LGR6: variants seen among roughly 807,000 people sequenced by gnomAD.
LGR6 encodes the protein leucine-rich repeat-containing G protein-coupled receptor 6.
LGR6 carries 45 observed loss-of-function variants against 69.4 expected under a neutral mutation model. The observed-to-expected ratio is 0.65, with a 90% CI of 0.51 to 0.83. The LOEUF (loss-of-function observed/expected upper bound fraction) is 0.83. Among genes scored for constraint, LGR6 ranks in the 40% least tolerant of loss-of-function variants. The pLI, the probability that LGR6 is intolerant of heterozygous loss-of-function variation, is 0.00. For missense variants in LGR6, 1,108 were observed against 1,246.7 expected, an observed-to-expected ratio of 0.89 and a Z score of 1.68; for synonymous variants, 538 against 555.0, an observed-to-expected ratio of 0.97 and a Z score of 0.43.
In LGR6 at chr1:202,262,097, C is replaced by T. The variant is rs1441936021; in HGVS notation, c.429-14209C>T. Among the ~76,000 whole-genome samples, 10 of 152,034 alleles carry T rather than the reference C, an allele frequency of 6.6e-5. No homozygotes were observed. The East Asian group carries it at 9.6e-4, about 15-fold the overall frequency. Reference sequence around the variant, plus strand: ...GAAGCTCTTTAGTTTAATTAGATCCCGTTTGTCAATTTTGGCTTTTGTTGC... The same window carrying T: ...GAAGCTCTTTAGTTTAATTAGATCCTGTTTGTCAATTTTGGCTTTTGTTGC... On this transcript the variant is annotated intron_variant, in intron 4 of 17. Coordinates refer to ENST00000367278, the MANE Select transcript of LGR6 (RefSeq NM_001017403.2).
intron 1 of LGR6, among the ~76,000 whole-genome samples, chr1:202,205,695 CAT>C (rs1411511456): frequency 2.8e-5 from 4 of 141,176 alleles, no homozygotes; most frequent in African/African-American, 5.1e-5. Context: ...CTCCTTCAAA[CAT>C]ACACACACAC....
chr1:202,231,421 A>G (rs950893654), intron 3 of LGR6, among the ~76,000 whole-genome samples: 2 of 152,132 alleles, frequency 1.3e-5, no homozygotes, highest in Non-Finnish European at 1.5e-5. Flanking sequence ...ACCCCTGTAC[A>G]TGAGGCAAGG....
chr1:202,313,570 C>T (rs1653911517), intron 16 of LGR6, among the ~76,000 whole-genome samples: 1 of 152,164 alleles, frequency 6.6e-6, no homozygotes. Flanking sequence ...TTATCTGTCA[C>T]CTGCCTCACA....
intron 6 of LGR6, among the ~76,000 whole-genome samples, chr1:202,291,862 C>T (rs1475898527): frequency 1.3e-5 from 2 of 152,130 alleles, no homozygotes; most frequent in Non-Finnish European, 2.9e-5. Context: ...TACTATTATC[C>T]TCTATTATTA....
intron 4 of LGR6, among the ~76,000 whole-genome samples, chr1:202,267,454 G>C (rs562329505): frequency 2.6e-5 from 4 of 152,114 alleles, no homozygotes; most frequent in Non-Finnish European, 4.4e-5. Context: ...AACTGAGAAG[G>C]TTTCTTTTCA....
chr1:202,310,244 G>T lies in LGR6; in HGVS notation c.1454G>T (p.Cys485Phe). 6.2e-7 allele frequency: 1 copy of T among 1,614,150 alleles called. No homozygotes were observed. Among genetic ancestry groups the T allele is most frequent in the South Asian group, 1.1e-5 (1 of 91,072 alleles). Residue 485 changes from cysteine to phenylalanine, a missense_variant, in exon 16 of 18, where the codon TGT becomes TTT. Physicochemically the swap from Cys to Phe is radical, Grantham distance 205. Transcript: ENST00000367278. Reference protein sequence around the residue: ...YAYQCCPYGMCASFFKASGQW... With the variant: ...YAYQCCPYGMFASFFKASGQW... ...TACCAGTGCTGTCCCTATGGGATGTGTGCCAGCTTCTTCAAGGCCTCTGGG... is the reference window on the plus strand; with the variant it reads ...TACCAGTGCTGTCCCTATGGGATGTTTGCCAGCTTCTTCAAGGCCTCTGGG...
At chr1:202,256,869 G>A (rs1663815799) in intron 4 of LGR6, among the ~76,000 whole-genome samples, 1 of 152,076 alleles carries the variant, frequency 6.6e-6, no homozygotes, top group Admixed American at 6.5e-5. Context: ...CCACATCCTT[G>A]CCAACACTTG....
At chr1:202,243,697 C>G (rs1662397654) in intron 4 of LGR6, among the ~76,000 whole-genome samples, 2 of 152,108 alleles carry the variant, frequency 1.3e-5, no homozygotes, top group African/African-American at 4.8e-5. Context: ...CATGACTGAC[C>G]TTACCACTCA....
intron 1 of LGR6, chr1:202,203,726 A>C (rs763447385): frequency 5.1e-6 from 7 of 1,359,512 alleles, no homozygotes; most frequent in Non-Finnish European, 7.3e-6. Context: ...CAGGCGGGGC[A>C]CAGAGGAGGG....
At chr1:202,208,914 A>AAAGAGTGTAGT (rs1350367870) in intron 1 of LGR6, among the ~76,000 whole-genome samples, 10 of 152,240 alleles carry the variant, frequency 6.6e-5, no homozygotes, top group African/African-American at 2.2e-4. Flanking sequence ...CCATAGGGGT[A>AAAGAGTGTAGT]AAGAGTGTAG....
intron 5 of LGR6, among the ~76,000 whole-genome samples, chr1:202,277,327 G>A (rs1665647474): frequency 6.6e-6 from 1 of 152,120 alleles, no homozygotes; most frequent in South Asian, 2.1e-4. Flanking sequence ...TTTGAGAGAT[G>A]AAAAGGCAGG....
At chr1:202,303,450 C>A in intron 10 of LGR6, 103 bp downstream of exon 10, 2 of 891,670 alleles carry the variant, frequency 2.2e-6, no homozygotes, top group South Asian at 1.4e-5. Context: ...CCTTGCTTCC[C>A]TTTTATCCAG....
intron 4 of LGR6, among the ~76,000 whole-genome samples, chr1:202,250,679 C>T (rs1355711894): frequency 6.6e-6 from 1 of 152,140 alleles, no homozygotes; most frequent in Non-Finnish European, 1.5e-5. Context: ...GCTGGGATTA[C>T]AGAAGTGAGC....
chr1:202,273,613 A>G (rs2148151237), intron 4 of LGR6, among the ~76,000 whole-genome samples: 1 of 151,822 alleles, frequency 6.6e-6, no homozygotes, highest in East Asian at 1.9e-4. Context: ...GTGTGCAACC[A>G]TGCCCGGCTA....
At chr1:202,199,930 T>C (rs1165624029) in intron 1 of LGR6, among the ~76,000 whole-genome samples, 2 of 152,246 alleles carry the variant, frequency 1.3e-5, no homozygotes, top group African/African-American at 2.4e-5. Flanking sequence ...TAATATTGTT[T>C]TTCTTATTGC....
intron 4 of LGR6, among the ~76,000 whole-genome samples, chr1:202,258,827 A>G (rs115023400): frequency 7.5e-4 from 114 of 152,150 alleles, no homozygotes; most frequent in African/African-American, 2.7e-3. Flanking sequence ...AGCTTTCAGA[A>G]CAATGACTAT....
chr1:202,211,009 G>C (rs994058327), intron 1 of LGR6, among the ~76,000 whole-genome samples: 4 of 152,224 alleles, frequency 2.6e-5, no homozygotes, highest in Admixed American at 1.3e-4. Flanking sequence ...GTTGTGGGGG[G>C]ACTTAGAAGG....
At chr1:202,311,119 A>C (rs1653687814) in intron 16 of LGR6, among the ~76,000 whole-genome samples, 1 of 152,080 alleles carries the variant, frequency 6.6e-6, no homozygotes, top group South Asian at 2.1e-4. Flanking sequence ...ACAGAACACA[A>C]GCAGAATTAG....
chr1:202,318,716 C>A lies in LGR6; in HGVS notation c.2413C>A (p.Pro805Thr), dbSNP rs201706873. 1 of 1,613,482 alleles carries A rather than the reference C, an allele frequency of 6.2e-7. No individual in the cohort carries two copies. The highest frequency in any genetic ancestry group is 1.1e-5 in the South Asian group (1 of 91,074). Residue 805 changes from proline to threonine, a missense_variant, in exon 18 of 18, where the codon CCC (proline) becomes ACC (threonine). By Grantham distance (38) the Pro-to-Thr change is conservative (BLOSUM62 -1). Coordinates refer to ENST00000367278, the MANE Select transcript of LGR6 (RefSeq NM_001017403.2). The part of the protein sequence containing the change: ...ASMLGLFPVT[P>T]EAVKSVLLVV... The stretch of plus-strand genomic sequence containing the variant: ...CATGCTGGGCCTCTTCCCTGTCACG[C>A]CCGAGGCCGTCAAGTCTGTCCTGCT...
Sources: allele counts gnomAD v4.1 joint callset (sites outside exome capture counted in the v4.1 genomes callset), GRCh38; gene constraint gnomAD v4.1.1; transcripts MANE v1.5; gene names NCBI Gene and HGNC (gene_info 2026-07-23, HGNC 2026-07-21).